Variants in CWF19L1 observed in about 807,000 individuals in gnomAD.
CWF19L1 encodes CWF19 like cell cycle control factor 1, also known as CWF19-like protein 1.
In CWF19L1, 60 loss-of-function variants were observed where a neutral mutation model predicts 69.7. The ratio of observed to expected loss-of-function variants is 0.86; its 90% CI spans 0.70 to 1.07. The LOEUF is 1.07. CWF19L1 is among the 50% of genes least tolerant of loss of function. The pLI, the probability that CWF19L1 is intolerant of heterozygous loss-of-function variation, is 0.00. For synonymous variants in CWF19L1, 209 were observed against 222.2 expected (o/e 0.94, Z 0.53); for missense variants, 591 against 638.9 (o/e 0.92, Z 0.81).
At chr10:100,245,761 C>A in intron 9 of CWF19L1, 38 bp downstream of exon 9, 1 of 1,494,126 alleles carries the variant, frequency 6.7e-7, no homozygotes, top group Admixed American at 1.7e-5. Flanking sequence ...ATAACAGTTA[C>A]TGTTCATAGA....
At chr10:100,263,412 A>G (rs1222428276) in intron 1 of CWF19L1, among the ~76,000 whole-genome samples, 4 of 152,204 alleles carry the variant, frequency 2.6e-5, no homozygotes, top group African/African-American at 9.6e-5. Context: ...CTGGCTCAGA[A>G]GTCATTACCT....
rs543208515 is a variant in CWF19L1, at chr10:100,245,331, C to T, written c.964+468G>A. 3.3e-5 allele frequency among the ~76,000 whole-genome samples: 5 copies of T among 152,138 alleles called. No individual in the cohort carries two copies. In the East Asian group the frequency reaches 5.8e-4, roughly 18 times the overall value. On this transcript the variant is annotated intron_variant, in intron 9 of 13. Transcript: ENST00000354105. ...CCCCACACCTGGCCAAGAATATCAA[C>T]GCTTTTATCCCAATATGGGTATATA...
chr10:100,243,235 C>T (rs114372339), intron 10 of CWF19L1, among the ~76,000 whole-genome samples: 1,688 of 152,166 alleles, frequency 0.011, 41 homozygotes, highest in African/African-American at 0.038. Context: ...CGTCCATCAG[C>T]TGATGAACAG....
At chr10:100,247,183 CAGG>C (rs1794068832) in intron 7 of CWF19L1, among the ~76,000 whole-genome samples, 1 of 152,166 alleles carries the variant, frequency 6.6e-6, no homozygotes, top group Non-Finnish European at 1.5e-5. Flanking sequence ...CCTCACAAAC[CAGG>C]AGTTCTCACT....
chr10:100,245,935 G>T (rs1661399632), intron 8 of CWF19L1, 22 bp from the exon 9 acceptor site: 1 of 1,561,972 alleles, frequency 6.4e-7, no homozygotes, highest in Non-Finnish European at 8.8e-7. Flanking sequence ...AAAAGCAGAA[G>T]ATTAAATGTT....
chr10:100,240,256 C>T (rs1846595614), intron 10 of CWF19L1, among the ~76,000 whole-genome samples: 1 of 152,174 alleles, frequency 6.6e-6, no homozygotes, highest in African/African-American at 2.4e-5. Context: ...CAGCCCTTCC[C>T]CCTTTTTACT....
In CWF19L1 at chr10:100,235,662, C is replaced by T; in HGVS notation, c.1472+5G>A. ...GAAAATACATTGAAAAGAAGAAAAA[C>T]ATACCTTCCAAACTGCAAAGGAAAA... is the stretch of plus-strand genomic sequence containing the variant. On this transcript the variant is annotated splice_donor_5th_base_variant and intron_variant, in intron 13 of 13. Coordinates refer to ENST00000354105, the MANE Select transcript of CWF19L1 (RefSeq NM_018294.6). 1 of 1,599,058 alleles carries T rather than the reference C, an allele frequency of 6.3e-7. No individual in the cohort carries two copies. Among genetic ancestry groups the T allele is most frequent in the Admixed American group, 1.7e-5 (1 of 59,928 alleles).
chr10:100,257,954 T>C (rs1397506857), intron 4 of CWF19L1, among the ~76,000 whole-genome samples: 2 of 152,118 alleles, frequency 1.3e-5, no homozygotes, highest in Non-Finnish European at 2.9e-5. Flanking sequence ...GAAAGAACTC[T>C]CGGACCAGCA....
intron 1 of CWF19L1, among the ~76,000 whole-genome samples, chr10:100,264,325 C>T (rs1183970815): frequency 6.6e-6 from 1 of 151,830 alleles, no homozygotes; most frequent in Admixed American, 6.6e-5. Context: ...GCGAGCGGAT[C>T]ACAAGGTCAG....
chr10:100,237,928 C>T lies in CWF19L1; in HGVS notation c.1254+94G>A, dbSNP rs1416198728. The T allele has an allele frequency of 1.1e-5, 14 of 1,227,168 alleles. No individual in the cohort carries two copies. The East Asian group carries it at 1.6e-4, about 14-fold the overall frequency. The allele number at this position is 1,227,168 out of a possible 1,614,324, so 76.0% of individuals were successfully genotyped here. A position where few individuals can be genotyped will look rare whatever the true frequency, so the allele number is the denominator to read the frequency against. On this transcript the variant is annotated intron_variant, in intron 11 of 13. Coordinates refer to ENST00000354105, the MANE Select transcript of CWF19L1 (RefSeq NM_018294.6). ...CCTCCCAAAGTGCTAGGATTACAGG[C>T]GTGAGCCACCTCGCCCAGCCTATTT...
intron 1 of CWF19L1, chr10:100,262,581 G>T: frequency 2.1e-6 from 1 of 482,160 alleles, no homozygotes; most frequent in Non-Finnish European, 2.7e-6. Context: ...AGTACAAGGT[G>T]GAGGAAGACT....
intron 13 of CWF19L1, among the ~76,000 whole-genome samples, chr10:100,234,239 T>G (rs1222224149): frequency 2.6e-5 from 4 of 152,224 alleles, no homozygotes; most frequent in Non-Finnish European, 5.9e-5. Context: ...GGGCAAACTT[T>G]GAGCCTATTT....
chr10:100,264,047 A>G (rs1233621611), intron 1 of CWF19L1, among the ~76,000 whole-genome samples: 4 of 152,220 alleles, frequency 2.6e-5, no homozygotes, highest in African/African-American at 9.6e-5. Context: ...ATAAGATTAT[A>G]ATGGAACTAA....
chr10:100,238,343 T>C, intron 10 of CWF19L1, 112 bp from the exon 11 acceptor site: 2 of 855,718 alleles, frequency 2.3e-6, no homozygotes. Flanking sequence ...GTACTTGAGG[T>C]TATTAATAAA....
At chr10:100,246,532 AAG>A (rs1846823608) in intron 8 of CWF19L1, among the ~76,000 whole-genome samples, 1 of 152,220 alleles carries the variant, frequency 6.6e-6, no homozygotes, top group African/African-American at 2.4e-5. Flanking sequence ...ACTTTAGACA[AAG>A]ACTTTACAAA....
At chr10:100,237,240 T>G (rs372293421) in intron 11 of CWF19L1, 2 of 639,148 alleles carry the variant, frequency 3.1e-6, no homozygotes, top group Non-Finnish European at 5.9e-6. Flanking sequence ...ATATTATATA[T>G]GTGGCAGAGT....
intron 13 of CWF19L1, among the ~76,000 whole-genome samples, chr10:100,235,207 T>C (rs1328167584): frequency 6.6e-6 from 1 of 152,226 alleles, no homozygotes; most frequent in East Asian, 1.9e-4. Flanking sequence ...AGCCTCATTT[T>C]CCACACTGGT....
At chr10:100,257,545 AC>A (rs941062931) in intron 4 of CWF19L1, among the ~76,000 whole-genome samples, 4 of 151,578 alleles carry the variant, frequency 2.6e-5, no homozygotes, top group African/African-American at 9.7e-5. Context: ...TGAACTGCCC[AC>A]CTCGACCTCC....
rs77776452 is a variant in CWF19L1, at chr10:100,233,166, T to TAA, written c.*59_*60dup. 142 of 1,302,400 alleles carry TAA rather than the reference T, an allele frequency of 1.1e-4. No individual in the cohort carries two copies. Among genetic ancestry groups the TAA allele is most frequent in the East Asian group, 9.4e-4 (36 of 38,340 alleles). 80.7% of individuals were successfully genotyped at this position (1,302,400 alleles called of 1,614,324 possible). On this transcript the variant is annotated 3_prime_UTR_variant, in exon 14 of 14. Coordinates refer to ENST00000354105, the MANE Select transcript of CWF19L1 (RefSeq NM_018294.6). ...TTGTCTCAAAAAAAATTCTTTTAAT[T>TAA]AAAAAAAAAAAAAAGCTTTACTACT...
Sources: allele counts gnomAD v4.1 joint callset (sites outside exome capture counted in the v4.1 genomes callset), GRCh38; gene constraint gnomAD v4.1.1; transcripts MANE v1.5; gene names NCBI Gene and HGNC (gene_info 2026-07-23, HGNC 2026-07-21).